The following LDB2 variants were observed in gnomAD, a reference collection of about 807,000 sequenced individuals.
LDB2 encodes the protein LIM domain-binding protein 2.
LDB2 carries 12 observed loss-of-function variants against 44.3 expected under a neutral mutation model. The observed-to-expected ratio is 0.27, with a 90% CI of 0.17 to 0.44. The LOEUF is 0.44. LDB2 is among the 20% of genes least tolerant of loss of function. LDB2 has a pLI of 1.00. For synonymous variants in LDB2, 164 were observed against 174.8 expected (o/e 0.94, Z 0.49); for missense variants, 344 against 473.5 (o/e 0.73, Z 2.54).
intron 1 of LDB2, among the ~76,000 whole-genome samples, chr4:16,846,192 T>C (rs1414027011): frequency 1.3e-5 from 2 of 152,166 alleles, no homozygotes; most frequent in Non-Finnish European, 2.9e-5. Flanking sequence ...TCTCAGACTT[T>C]TTCTATGCAA....
chr4:16,675,152 A>G (rs1268187254), intron 2 of LDB2, among the ~76,000 whole-genome samples: 3 of 152,200 alleles, frequency 2.0e-5, no homozygotes, highest in African/African-American at 7.2e-5. Context: ...AAGGGTCTCA[A>G]ACACCTTCCA....
chr4:16,530,545 CT>C (rs751451204), intron 5 of LDB2, among the ~76,000 whole-genome samples: 9 of 152,222 alleles, frequency 5.9e-5, no homozygotes, highest in Non-Finnish European at 1.3e-4. Flanking sequence ...GAGGCAGAAC[CT>C]ACTATCTGAA....
chr4:16,840,587 C>T (rs999159299), intron 1 of LDB2, among the ~76,000 whole-genome samples: 2 of 152,192 alleles, frequency 1.3e-5, no homozygotes, highest in African/African-American at 4.8e-5. Context: ...AGTGACAGGA[C>T]AGCTCAGTGG....
At chr4:16,811,448 C>T (rs907514771) in intron 1 of LDB2, among the ~76,000 whole-genome samples, 1 of 152,162 alleles carries the variant, frequency 6.6e-6, no homozygotes, top group Non-Finnish European at 1.5e-5. Flanking sequence ...TCACATATTG[C>T]TATGACTAAA....
At chr4:16,528,220 A>G (rs1426389996) in intron 5 of LDB2, among the ~76,000 whole-genome samples, 4 of 152,254 alleles carry the variant, frequency 2.6e-5, no homozygotes, top group Middle Eastern at 3.4e-3. Flanking sequence ...AAAGGGAGGG[A>G]AGCGGGTGAG....
intron 5 of LDB2, among the ~76,000 whole-genome samples, chr4:16,519,858 C>G (rs980100829): frequency 2.0e-5 from 3 of 151,920 alleles, no homozygotes; most frequent in African/African-American, 7.3e-5. Flanking sequence ...AAGATGAACA[C>G]TGTTGTGATG....
At chr4:16,839,435 G>A (rs945984436) in intron 1 of LDB2, among the ~76,000 whole-genome samples, 2 of 152,164 alleles carry the variant, frequency 1.3e-5, no homozygotes, top group African/African-American at 4.8e-5. Context: ...ATCTGTTCAT[G>A]AGGGATCCAC....
chr4:16,635,032 A>G (rs190880522), intron 2 of LDB2, among the ~76,000 whole-genome samples: 2,748 of 152,252 alleles, frequency 0.018, 86 homozygotes, highest in African/African-American at 0.06. Flanking sequence ...TCAGCAAACT[A>G]TCACAAGATC....
intron 1 of LDB2, chr4:16,826,289 G>A (rs1360336763): frequency 1.3e-5 from 2 of 152,174 alleles, no homozygotes; most frequent in Non-Finnish European, 2.9e-5. Context: ...AGTCTTCAGA[G>A]AACTTCTAGT....
chr4:16,602,874 T>C (rs1236793637), intron 2 of LDB2, among the ~76,000 whole-genome samples: 1 of 152,168 alleles, frequency 6.6e-6, no homozygotes, highest in Non-Finnish European at 1.5e-5. Context: ...GCATGCAAGA[T>C]GTGTGTCATG....
intron 2 of LDB2, among the ~76,000 whole-genome samples, chr4:16,743,675 G>T (rs1173986672): frequency 6.6e-6 from 1 of 151,988 alleles, no homozygotes; most frequent in African/African-American, 2.4e-5. Context: ...GACCTCCAGG[G>T]ATGAAAGCAG....
At chr4:16,514,759 G>T (rs1483945310) in intron 5 of LDB2, among the ~76,000 whole-genome samples, 2 of 152,184 alleles carry the variant, frequency 1.3e-5, no homozygotes, top group African/African-American at 4.8e-5. Flanking sequence ...ACCTGGGTTA[G>T]TAATGCTGGA....
chr4:16,784,061 T>C (rs989659822), intron 1 of LDB2, among the ~76,000 whole-genome samples: 1 of 152,212 alleles, frequency 6.6e-6, no homozygotes, highest in African/African-American at 2.4e-5. Context: ...TGCCAGTGGT[T>C]CCCTTTGCTT....
intron 1 of LDB2, among the ~76,000 whole-genome samples, chr4:16,809,844 G>A (rs1329586349): frequency 1.3e-5 from 2 of 152,150 alleles, no homozygotes; most frequent in Admixed American, 1.3e-4. Flanking sequence ...GCATGTTGTC[G>A]AGTGGATCAT....
chr4:16,808,099 G>A (rs1779125152), intron 1 of LDB2, among the ~76,000 whole-genome samples: 1 of 151,296 alleles, frequency 6.6e-6, no homozygotes, highest in African/African-American at 2.4e-5. Context: ...TCATTAAAAA[G>A]GAAAAAAAGA....
At chr4:16,768,990 T>A (rs1037472931) in intron 1 of LDB2, among the ~76,000 whole-genome samples, 1 of 152,212 alleles carries the variant, frequency 6.6e-6, no homozygotes, top group African/African-American at 2.4e-5. Context: ...TTTAGACTCA[T>A]GACTGCTCCA....
At chr4:16,792,706 T>C (rs1294222697) in intron 1 of LDB2, among the ~76,000 whole-genome samples, 1 of 152,232 alleles carries the variant, frequency 6.6e-6, no homozygotes, top group African/African-American at 2.4e-5. Context: ...CAGTTATCCA[T>C]GTCCCTGGCC....
rs376199542 is a variant in LDB2, at chr4:16,837,849, C to T, written c.132+60505G>A. Among the ~76,000 whole-genome samples, 7 of 152,206 alleles carry T rather than the reference C, an allele frequency of 4.6e-5. No individual in the cohort carries two copies. The East Asian group carries it at 9.6e-4, about 21-fold the overall frequency. On this transcript the variant is annotated intron_variant, in intron 1 of 7. Transcript: ENST00000304523. ...CTAAACTTTGGTATGATATGTTAGG[C>T]AGGAAAGTATCATTTAGGTTTGAAC...
intron 2 of LDB2, among the ~76,000 whole-genome samples, chr4:16,724,451 C>T (rs1758998957): frequency 2.0e-5 from 3 of 151,674 alleles, no homozygotes; most frequent in Non-Finnish European, 2.9e-5. Flanking sequence ...AATCCTGTCT[C>T]GTTCACCTGT....
Sources: allele counts gnomAD v4.1 joint callset (sites outside exome capture counted in the v4.1 genomes callset), GRCh38; gene constraint gnomAD v4.1.1; transcripts MANE v1.5; gene names NCBI Gene and HGNC (gene_info 2026-07-23, HGNC 2026-07-21).